MASP1: variants seen among roughly 807,000 people sequenced by gnomAD.
The protein encoded by MASP1 is MBL associated serine protease 1.
MASP1 carries 59 observed loss-of-function variants against 77.1 expected under a neutral mutation model. The ratio of observed to expected loss-of-function variants is 0.77; its 90% confidence interval spans 0.62 to 0.95. The LOEUF (loss-of-function observed/expected upper bound fraction) is 0.95, where lower values mean the gene tolerates loss of function less well. Among genes scored for constraint, MASP1 ranks in the 40% least tolerant of loss-of-function variants. MASP1 has a pLI of 0.00. For synonymous variants in MASP1, 362 were observed against 354.5 expected (o/e 1.02, Z -0.24); for missense variants, 885 against 912.9 (o/e 0.97, Z 0.39).
intron 3 of MASP1, among the ~76,000 whole-genome samples, chr3:187,261,323 C>G (rs1291674690): frequency 6.6e-6 from 1 of 152,208 alleles, no homozygotes; most frequent in Non-Finnish European, 1.5e-5. Flanking sequence ...TACAGACAAG[C>G]TGGGTACAGA....
At chr3:187,251,860 T>A in intron 6 of MASP1, 108 bp from the exon 7 acceptor site, 1 of 853,984 alleles carries the variant, frequency 1.2e-6, no homozygotes, top group Non-Finnish European at 2.0e-6. Flanking sequence ...AACATGGAAC[T>A]GGGTATTGGA....
chr3:187,238,071 C>A (rs1000209364), intron 10 of MASP1, among the ~76,000 whole-genome samples: 1 of 152,166 alleles, frequency 6.6e-6, no homozygotes, highest in African/African-American at 2.4e-5. Context: ...AGCTGCAAGG[C>A]AACATCTCAA....
chr3:187,250,184 C>T lies in MASP1; in HGVS notation c.1090+67G>A, dbSNP rs1468202515. On this transcript the variant is annotated intron_variant, in intron 8 of 10. Coordinates refer to ENST00000296280, the MANE Select transcript of MASP1 (RefSeq NM_139125.4). ...CCTGCCAAGCTTTCACCCTTGCATG[C>T]TCTGCTCGGATCCCGCCAGTGCTGG... 4.6e-6 allele frequency: 6 copies of T among 1,303,048 alleles called. No homozygotes were observed. In the South Asian group the frequency reaches 4.7e-5, roughly 10 times the overall value. The allele number at this position is 1,303,048 out of a possible 1,614,324, so 80.7% of individuals were successfully genotyped here.
At chr3:187,259,984 A>C (rs1215309700) in intron 4 of MASP1, among the ~76,000 whole-genome samples, 2 of 152,032 alleles carry the variant, frequency 1.3e-5, no homozygotes, top group Non-Finnish European at 2.9e-5. Context: ...TTATTCTTTC[A>C]TCTCTGTCAA....
chr3:187,233,811 T>C (rs1314351960), downstream of MASP1, among the ~76,000 whole-genome samples: 1 of 152,122 alleles, frequency 6.6e-6, no homozygotes, highest in Non-Finnish European at 1.5e-5. Flanking sequence ...GCCCAGCGTG[T>C]GGGGGGTTGG....
rs1716713596 is a variant in MASP1, at chr3:187,273,646, T to C, written c.238-10926A>G. Among the ~76,000 whole-genome samples, 3 of 152,192 alleles carry C rather than the reference T, an allele frequency of 2.0e-5. No homozygotes were observed. In the South Asian group the frequency reaches 6.2e-4, roughly 32 times the overall value. ...GGGCCAGTGGTTAATGGCCCAGTCC[T>C]GCTACTTCACCAGGTAGCTTTAATT... On this transcript the variant is annotated intron_variant, in intron 2 of 10. Coordinates refer to ENST00000296280, the MANE Select transcript of MASP1 (RefSeq NM_139125.4).
At chr3:187,225,186 C>T (rs1255370817) in intron 13 of MASP1, 5 of 955,002 alleles carry the variant, frequency 5.2e-6, no homozygotes, top group African/African-American at 3.2e-5. Flanking sequence ...TCTGACTTGG[C>T]TGTTTGAGGG....
chr3:187,272,211 A>G (rs1167879516), intron 2 of MASP1, among the ~76,000 whole-genome samples: 1 of 149,500 alleles, frequency 6.7e-6, no homozygotes, highest in Non-Finnish European at 1.5e-5. Context: ...TTAGATGTTC[A>G]AGAAAGGTTG....
chr3:187,220,045 G>C, exon 16 of MASP1: 1 of 1,611,468 alleles, frequency 6.2e-7, no homozygotes, highest in Non-Finnish European at 8.5e-7. Flanking sequence ...CCCACAGCTG[G>C]TGGTGCTGGG....
At chr3:187,283,607 C>T (rs1004681279) in intron 2 of MASP1, among the ~76,000 whole-genome samples, 11 of 152,144 alleles carry the variant, frequency 7.2e-5, no homozygotes, top group African/African-American at 2.2e-4. Flanking sequence ...CAAAAAAATT[C>T]TATAATTTCT....
chr3:187,235,605 A>G lies in MASP1; in HGVS notation c.*79T>C. On this transcript the variant is annotated 3_prime_UTR_variant, in exon 11 of 11. Coordinates refer to ENST00000296280, the MANE Select transcript of MASP1 (RefSeq NM_139125.4). ...AGTGTGTTCCATTCCATATGGTCTG[A>G]TAAGTAATGTGGAGTGTGCTGTCGG... is the stretch of plus-strand genomic sequence containing the variant. 2 of 1,601,676 alleles carry G rather than the reference A, an allele frequency of 1.2e-6. No homozygotes were observed. The highest frequency in any genetic ancestry group is 1.1e-5 in the South Asian group (1 of 90,260).
intron 2 of MASP1, among the ~76,000 whole-genome samples, chr3:187,269,202 CA>C (rs1716315910): frequency 2.0e-5 from 3 of 152,122 alleles, no homozygotes; most frequent in African/African-American, 7.2e-5. Context: ...AGCCAGACCA[CA>C]AGGCACCTAA....
intron 7 of MASP1, 60 bp downstream of exon 7, chr3:187,251,574 G>A: frequency 7.3e-7 from 1 of 1,362,516 alleles, no homozygotes; most frequent in South Asian, 1.2e-5. Context: ...CCTGGGGAGG[G>A]GCAGGTTTCG....
chr3:187,243,185 T>C (rs974676242), intron 9 of MASP1: 31 of 403,140 alleles, frequency 7.7e-5, no homozygotes, highest in Non-Finnish European at 1.4e-4. Flanking sequence ...GTTGTGTCAG[T>C]GTGTGACTCC....
At chr3:187,221,822 T>C (rs1410210753) in intron 14 of MASP1, among the ~76,000 whole-genome samples, 2 of 152,214 alleles carry the variant, frequency 1.3e-5, no homozygotes, top group Non-Finnish European at 2.9e-5. Flanking sequence ...AGAAAATATA[T>C]ATATTTTTTG....
exon 16 of MASP1, chr3:187,219,877 C>T: frequency 1.6e-6 from 1 of 643,950 alleles, no homozygotes. Flanking sequence ...GGCCTGTGTT[C>T]TGACCACTCT....
Position 187,234,084 on chromosome 3 carries a change from T to G in MASP1, c.*1600A>C, listed in dbSNP as rs1400016029. On this transcript the variant is annotated 3_prime_UTR_variant, in exon 11 of 11. Coordinates refer to ENST00000296280, the MANE Select transcript of MASP1 (RefSeq NM_139125.4). ...TAACAAAACCCATAAGCCAAGGCTG[T>G]TGGTTATCCACGAGGGTTTATTTCC... 7.9e-7 allele frequency: 1 copy of G among 1,266,380 alleles called. No homozygotes were observed. The highest frequency in any genetic ancestry group is 5.6e-5 in the East Asian group (1 of 17,756). The allele number at this position is 1,266,380 out of a possible 1,614,324, so 78.4% of individuals were successfully genotyped here. A position where few individuals can be genotyped will look rare whatever the true frequency, so the allele number is the denominator to read the frequency against.
rs1041760070 is a variant in MASP1, at chr3:187,283,200, C to A, written c.237+2625G>T. 2.6e-5 allele frequency among the ~76,000 whole-genome samples: 4 copies of A among 152,208 alleles called. 1 individual carries two copies. The South Asian group carries it at 8.3e-4, about 32-fold the overall frequency. On this transcript the variant is annotated intron_variant, in intron 2 of 10. Transcript: ENST00000296280. ...TCTCACCACTCTAGATAGAAACCAT[C>A]AACCAATTTCCAAAATATTCTCTAG...
At chr3:187,241,634 A>T in intron 9 of MASP1, 79 bp from the exon 10 acceptor site, 1 of 957,510 alleles carries the variant, frequency 1.0e-6, no homozygotes, top group Non-Finnish European at 1.7e-6. Flanking sequence ...CTGGGTATTT[A>T]ATTTCTCTAA....
Sources: gnomAD v4.1 joint callset for allele counts (sites outside exome capture counted in the v4.1 genomes callset) on GRCh38, gnomAD v4.1.1 for gene constraint, MANE v1.5 for transcripts, NCBI Gene and HGNC (gene_info 2026-07-23, HGNC 2026-07-21) for gene names.